Variants in RANBP2 observed in about 807,000 individuals in gnomAD.
The protein encoded by RANBP2 is E3 SUMO-protein ligase RanBP2.
In RANBP2, 57 loss-of-function variants were observed where a neutral mutation model predicts 303.6. The observed-to-expected ratio is 0.19, with a 90% CI of 0.15 to 0.23. The LOEUF (loss-of-function observed/expected upper bound fraction) is 0.23. RANBP2 is among the 10% of genes least tolerant of loss of function. RANBP2 has a pLI of 1.00. For synonymous variants in RANBP2, 1,167 were observed against 1,301.5 expected (o/e 0.90, Z 2.23); for missense variants, 3,138 against 3,780.8 (o/e 0.83, Z 4.46).
the RANBP2 span, among the ~76,000 whole-genome samples, chr2:109,323,498 G>A: frequency 9.6e-4 from 146 of 152,344 alleles, no homozygotes; most frequent in African/African-American, 3.3e-3. Context: ...TTAGTGATTG[G>A]TAGCATGCTG....
chr2:109,586,125 T>C, the RANBP2 span, among the ~76,000 whole-genome samples: 152 of 152,322 alleles, frequency 1.0e-3, 1 homozygote, highest in Non-Finnish European at 6.3e-4. Context: ...CTATGGCATA[T>C]TCACTTACAA....
chr2:109,141,057 A>G, the RANBP2 span, among the ~76,000 whole-genome samples: 1 of 152,164 alleles, frequency 6.6e-6, no homozygotes, highest in Admixed American at 6.5e-5. Context: ...CATCAGTTGT[A>G]TTGAAGGGAT....
At chr2:109,501,300 G>A in the RANBP2 span, among the ~76,000 whole-genome samples, 2 of 152,160 alleles carry the variant, frequency 1.3e-5, 1 homozygote, top group Admixed American at 1.3e-4. Flanking sequence ...ACAGCAGGGG[G>A]AAATGCCTTT....
chr2:109,002,253 G>C, the RANBP2 span, among the ~76,000 whole-genome samples: 1 of 152,222 alleles, frequency 6.6e-6, no homozygotes, highest in South Asian at 2.1e-4. Flanking sequence ...GCTTGCTCCT[G>C]GAATGGTGCC....
chr2:108,821,957 C>T, the RANBP2 span, among the ~76,000 whole-genome samples: 3 of 151,618 alleles, frequency 2.0e-5, no homozygotes, highest in Non-Finnish European at 4.4e-5. Context: ...TATGTCCTTC[C>T]TTTATCAGTA....
chr2:109,546,767 C>A, the RANBP2 span, among the ~76,000 whole-genome samples: 1 of 151,796 alleles, frequency 6.6e-6, no homozygotes, highest in Non-Finnish European at 1.5e-5. Flanking sequence ...CTTTCAATGT[C>A]CTGAGATCTA....
At chr2:109,168,879 A>G in the RANBP2 span, among the ~76,000 whole-genome samples, 759 of 152,336 alleles carry the variant, frequency 5.0e-3, 7 homozygotes, top group African/African-American at 0.017. Context: ...GGAACGCTGC[A>G]TGCTGGCCTG....
At chr2:108,772,753 T>C (rs1200866217) in intron 22 of RANBP2, 115 bp from the exon 23 acceptor site, 2 of 1,248,988 alleles carry the variant, frequency 1.6e-6, no homozygotes, top group East Asian at 2.5e-5. Flanking sequence ...TTGTTTTTCA[T>C]TAGTATGTAC....
At chr2:109,576,566 A>C in the RANBP2 span, among the ~76,000 whole-genome samples, 3 of 152,204 alleles carry the variant, frequency 2.0e-5, no homozygotes, top group Admixed American at 6.5e-5. Context: ...TTTCCAAAAA[A>C]ATAAAATGGG....
chr2:109,046,285 C>T, the RANBP2 span, among the ~76,000 whole-genome samples: 3 of 137,454 alleles, frequency 2.2e-5, no homozygotes, highest in African/African-American at 8.1e-5. Context: ...GCCTGGGCGA[C>T]AGTGCAAGAC....
At chr2:109,373,552 A>G in the RANBP2 span, among the ~76,000 whole-genome samples, 1 of 152,182 alleles carries the variant, frequency 6.6e-6, no homozygotes, top group Non-Finnish European at 1.5e-5. Flanking sequence ...AGCCAGACAT[A>G]AAAGTAAATG....
At chr2:108,786,915 G>C (rs769347069), downstream of RANBP2, 2 of 1,525,286 alleles carry the variant, frequency 1.3e-6, no homozygotes, top group Non-Finnish European at 1.8e-6. Flanking sequence ...GCCCCGACGA[G>C]GTGAAGCCGC....
At chr2:109,662,235 C>T in the RANBP2 span, among the ~76,000 whole-genome samples, 1 of 152,152 alleles carries the variant, frequency 6.6e-6, no homozygotes, top group African/African-American at 2.4e-5. Context: ...GTCAGACCTG[C>T]ATTGCAGTCT....
chr2:109,412,589 T>C, the RANBP2 span, among the ~76,000 whole-genome samples: 1 of 152,104 alleles, frequency 6.6e-6, no homozygotes, highest in African/African-American at 2.4e-5. Flanking sequence ...TGCTGCAGGG[T>C]CACCCCTGCC....
the RANBP2 span, among the ~76,000 whole-genome samples, chr2:109,028,861 G>A: frequency 6.6e-6 from 1 of 152,224 alleles, no homozygotes; most frequent in African/African-American, 2.4e-5. Flanking sequence ...GTGGCTGTCA[G>A]GGACTGTGAG....
the RANBP2 span, among the ~76,000 whole-genome samples, chr2:109,670,070 A>G: frequency 6.6e-6 from 1 of 152,178 alleles, no homozygotes; most frequent in Non-Finnish European, 1.5e-5. Context: ...TACAGCCTCC[A>G]GGGTGCGGCA....
chr2:109,699,720 T>C, the RANBP2 span, among the ~76,000 whole-genome samples: 2 of 152,138 alleles, frequency 1.3e-5, no homozygotes, highest in East Asian at 1.9e-4. Context: ...TCCTTGTATA[T>C]GTGGCATGCA....
chr2:108,736,395 A>G lies in RANBP2; in HGVS notation c.782+146A>G, dbSNP rs954305813. ...TTAATACAGTGAACAACTAGGAGGC[A>G]ATCTTATTTTTCTTCTTTTACGGGG... On this transcript the variant is annotated intron_variant, in intron 6 of 28. Transcript: ENST00000283195. 1.8e-5 allele frequency: 26 copies of G among 1,477,576 alleles called. No individual in the cohort carries two copies. In the African/African-American group the frequency reaches 3.3e-4, roughly 18 times the overall value. 91.5% of individuals were successfully genotyped at this position (1,477,576 alleles called of 1,614,324 possible). A position where few individuals can be genotyped will look rare whatever the true frequency, so the allele number is the denominator to read the frequency against.
the RANBP2 span, among the ~76,000 whole-genome samples, chr2:108,943,750 A>C: frequency 1.3e-5 from 2 of 152,110 alleles, no homozygotes; most frequent in African/African-American, 4.8e-5. Flanking sequence ...AGATGAATCC[A>C]TGGGGCTGAG....
Sources: allele counts gnomAD v4.1 joint callset (sites outside exome capture counted in the v4.1 genomes callset), GRCh38; gene constraint gnomAD v4.1.1; transcripts MANE v1.5; gene names NCBI Gene and HGNC (gene_info 2026-07-23, HGNC 2026-07-21).